Variants in PDXDC1 observed in about 807,000 individuals in gnomAD.
PDXDC1 encodes the protein pyridoxal-dependent decarboxylase domain-containing protein 1.
Under a neutral mutation model 100.1 loss-of-function variants are expected in PDXDC1, and 42 were observed. That is an observed-to-expected ratio of 0.42 (90% CI 0.33 to 0.54). The LOEUF is 0.54. Among genes scored for constraint, PDXDC1 ranks in the 20% least tolerant of loss-of-function variants. The probability of loss-of-function intolerance (pLI) is 0.10; values close to 1 mark genes in which losing one functional copy is unlikely to be tolerated. For missense variants in PDXDC1, 636 were observed against 979.2 expected (o/e 0.65, Z 4.68); for synonymous variants, 260 against 371.7 (o/e 0.70, Z 3.46).
chr16:15,043,887 G>A (rs969784706), intron 16 of PDXDC1, among the ~76,000 whole-genome samples: 2 of 152,110 alleles, frequency 1.3e-5, no homozygotes, highest in African/African-American at 4.8e-5. Flanking sequence ...GGCAGAGCTT[G>A]CAGTGAGCCG....
downstream of PDXDC1, chr16:15,041,245 G>C (rs2043802098): frequency 1.4e-6 from 1 of 712,524 alleles, no homozygotes; most frequent in Non-Finnish European, 2.5e-6. Flanking sequence ...TCCAGAAAAT[G>C]AAAGGGATTG....
rs1365312408 is a variant in PDXDC1 at position 15,034,567 on chromosome 16, G to A, written c.2002+14G>A. 5 of 1,591,118 alleles carry A rather than the reference G, an allele frequency of 3.1e-6. No individual in the cohort carries two copies. The Admixed American group carries it at 8.3e-5, about 27-fold the overall frequency. On this transcript the variant is annotated intron_variant, in intron 21 of 22. Coordinates refer to ENST00000396410, the MANE Select transcript of PDXDC1 (RefSeq NM_015027.4). Reference sequence around the variant, plus strand: ...ACTTGACAGCAGGTAGGACGGCATAGCCTCTTCCCAGGTCTTGCTGACCTT... The same window carrying A: ...ACTTGACAGCAGGTAGGACGGCATAACCTCTTCCCAGGTCTTGCTGACCTT...
chr16:15,081,948 GTGTA>G (rs1567212927), intron 16 of PDXDC1, among the ~76,000 whole-genome samples: 2 of 152,124 alleles, frequency 1.3e-5, no homozygotes, highest in Non-Finnish European at 2.9e-5. Context: ...CAACTGGTTA[GTGTA>G]TGTTAGTCTT....
At chr16:15,013,381 A>G (rs1287968832) in intron 8 of PDXDC1, among the ~76,000 whole-genome samples, 2 of 151,848 alleles carry the variant, frequency 1.3e-5, no homozygotes, top group Non-Finnish European at 2.9e-5. Flanking sequence ...AAAAGGCAAA[A>G]AACTACAGTG....
chr16:15,095,035 A>C (rs968509954), intron 16 of PDXDC1, among the ~76,000 whole-genome samples: 2 of 152,028 alleles, frequency 1.3e-5, no homozygotes, highest in African/African-American at 4.8e-5. Context: ...ACGGGGTTGC[A>C]CTGTGTTGGC....
At chr16:15,133,691 G>T in intron 16 of PDXDC1, 1 of 1,597,978 alleles carries the variant, frequency 6.3e-7, no homozygotes, top group South Asian at 1.1e-5. Flanking sequence ...AGCATCCTCC[G>T]CGTCATGCCA....
chr16:15,068,289 A>AG (rs2045065595), intron 16 of PDXDC1: 1 of 1,560,366 alleles, frequency 6.4e-7, no homozygotes, highest in African/African-American at 1.4e-5. Context: ...TTTGGTTTAA[A>AG]AAAAAAAAAG....
intron 1 of PDXDC1, among the ~76,000 whole-genome samples, chr16:14,984,495 A>ATATATATATATATATATATT (rs1555542734): frequency 5.4e-5 from 4 of 73,480 alleles, no homozygotes; most frequent in South Asian, 5.4e-4. Context: ...ATATATATAT[A>ATATATATATATATATATATT]TTTTTTTTTT....
At chr16:15,130,345 C>T (rs1344627084) in intron 16 of PDXDC1, 11 of 1,554,436 alleles carry the variant, frequency 7.1e-6, no homozygotes, top group Middle Eastern at 2.3e-4. Context: ...ACGTCCTCCT[C>T]GCTGAAGTAC....
Position 15,022,749 on chromosome 16 carries a change from A to C in PDXDC1, c.1135A>C (p.Ile379Leu). Reference sequence around the variant, plus strand: ...TTTGAAGAAAGTGAATTACATCAAAATCTTGGTATAGTATATAAGTTCATC... The same window carrying C: ...TTTGAAGAAAGTGAATTACATCAAACTCTTGGTATAGTATATAAGTTCATC... ...ESLKKVNYIK[I>L]LVEDELSSPV... The change falls in exon 13 of 23, where the codon ATC (isoleucine) becomes CTC (leucine). Residue 379 changes from isoleucine (I) to leucine (L), a missense_variant. Coordinates refer to ENST00000396410, the MANE Select transcript of PDXDC1 (RefSeq NM_015027.4). 6.2e-7 allele frequency: 1 copy of C among 1,610,518 alleles called. No individual in the cohort carries two copies. Among genetic ancestry groups the C allele is most frequent in the Non-Finnish European group, 8.5e-7 (1 of 1,177,706 alleles).
Position 15,031,747 on chromosome 16 carries a change from G to C in PDXDC1, c.1412G>C (p.Arg471Pro). The C allele has an allele frequency of 6.2e-7, 1 of 1,610,610 alleles. No homozygotes were observed. The highest frequency in any genetic ancestry group is 8.5e-7 in the Non-Finnish European group (1 of 1,177,276). The change falls in exon 17 of 23, where the codon CGG becomes CCG. Residue 471 changes from arginine to proline, a missense_variant. Around this residue, in one of 4 missense-constraint regions of PDXDC1, gnomAD observed 452 missense variants for 402.9 expected, o/e 1.12. Transcript: ENST00000396410. The stretch of plus-strand genomic sequence containing the variant: ...TGAACATCTTCAGTTTTAGGAACTC[G>C]GGGAGAGGATGTGGATCAGCTCGTA... The part of the protein sequence containing the change: ...PLMTAAVLGT[R>P]GEDVDQLVAC...
At chr16:15,124,920 A>T (rs1056429388) in intron 16 of PDXDC1, among the ~76,000 whole-genome samples, 15 of 151,726 alleles carry the variant, frequency 9.9e-5, no homozygotes, top group Non-Finnish European at 1.9e-4. Context: ...AGGCTGAGGC[A>T]GGCGGATCAC....
intron 16 of PDXDC1, chr16:15,055,903 G>C: frequency 8.1e-7 from 1 of 1,231,586 alleles, no homozygotes; most frequent in Non-Finnish European, 1.0e-6. Context: ...CCAAAGGCGG[G>C]TGGGCTCGGA....
At chr16:15,041,108 C>G, downstream of PDXDC1, 1 of 1,573,380 alleles carries the variant, frequency 6.4e-7, no homozygotes. Context: ...CGTTTTCTTC[C>G]CGGTCATTTA....
At chr16:15,041,133 G>C, downstream of PDXDC1, 1 of 1,473,940 alleles carries the variant, frequency 6.8e-7, no homozygotes, top group African/African-American at 1.4e-5. Flanking sequence ...TACAAAATAA[G>C]AATGTTTAAG....
At chr16:15,060,177 C>T (rs1185302685) in intron 16 of PDXDC1, 2 of 422,382 alleles carry the variant, frequency 4.7e-6, no homozygotes, top group Admixed American at 5.4e-5. Flanking sequence ...ATTAAAACTA[C>T]TTCCCAACCC....
chr16:15,086,028 T>C, intron 16 of PDXDC1: 1 of 921,852 alleles, frequency 1.1e-6, no homozygotes, highest in Non-Finnish European at 1.6e-6. Flanking sequence ...CCAATATGCA[T>C]CTGGAATCTT....
At chr16:15,032,680 T>G (rs2043140239) in intron 17 of PDXDC1, 181 bp from the exon 18 acceptor site, 4 of 363,472 alleles carry the variant, frequency 1.1e-5, no homozygotes, top group Non-Finnish European at 1.9e-5. Flanking sequence ...GGCTTTCCTG[T>G]GACTTTCTCT....
At chr16:15,151,944 A>C in the PDXDC1 span, among the ~76,000 whole-genome samples, 22 of 141,898 alleles carry the variant, frequency 1.6e-4, no homozygotes, top group East Asian at 2.0e-4. Context: ...AAAAAAAAAA[A>C]AAAAAAAAAC....
Sources: allele counts gnomAD v4.1 joint callset (sites outside exome capture counted in the v4.1 genomes callset), GRCh38; gene constraint gnomAD v4.1.1; regional missense constraint gnomAD v4.1.1; transcripts MANE v1.5; gene names NCBI Gene and HGNC (gene_info 2026-07-23, HGNC 2026-07-21).